Variants in UNC79 observed in about 807,000 individuals in gnomAD.
The protein encoded by UNC79 is unc-79 subunit of NALCN channel complex, also known as protein unc-79 homolog.
UNC79 carries 37 observed loss-of-function variants against 283.1 expected under a neutral mutation model. The ratio of observed to expected loss-of-function variants is 0.13; its 90% CI spans 0.10 to 0.17. The LOEUF (loss-of-function observed/expected upper bound fraction) is 0.17. UNC79 is among the 10% of genes least tolerant of loss of function. The pLI, the probability that UNC79 is intolerant of heterozygous loss-of-function variation, is 1.00. For synonymous variants in UNC79, 1,107 were observed against 1,200.2 expected (o/e 0.92, Z 1.61); for missense variants, 2,272 against 3,211.1 (o/e 0.71, Z 7.07).
chr14:93,413,250 C>A (rs938040963), intron 1 of UNC79, among the ~76,000 whole-genome samples: 2 of 147,966 alleles, frequency 1.4e-5, no homozygotes, highest in African/African-American at 5.0e-5. Context: ...TCGTTCAATT[C>A]CCACCTATGA....
At chr14:93,514,981 G>A (rs1426585019) in intron 7 of UNC79, among the ~76,000 whole-genome samples, 1 of 151,900 alleles carries the variant, frequency 6.6e-6, no homozygotes, top group Non-Finnish European at 1.5e-5. Flanking sequence ...CCTCTTTCTG[G>A]AATTCTAATG....
chr14:93,588,480 C>G (rs2064374928), intron 22 of UNC79, among the ~76,000 whole-genome samples: 1 of 152,078 alleles, frequency 6.6e-6, no homozygotes, highest in Non-Finnish European at 1.5e-5. Flanking sequence ...ATGGCTCATA[C>G]CTGTAATCCC....
In UNC79 at chr14:93,680,095, G is replaced by T. The variant is rs182079813; in HGVS notation, c.6742-2522G>T. ...TCCTTTAATATGCCGGATTCTCTGT[G>T]TACCTCCTTTACTTTTAGGGTGATT... On this transcript the variant is annotated intron_variant, in intron 41 of 48. Transcript: ENST00000555664. Among the ~76,000 whole-genome samples the T allele has an allele frequency of 2.6e-5, 4 of 152,240 alleles. No individual in the cohort carries two copies. In the East Asian group the frequency reaches 7.7e-4, roughly 29 times the overall value.
chr14:93,402,468 A>G (rs2055131244), intron 1 of UNC79, among the ~76,000 whole-genome samples: 2 of 151,970 alleles, frequency 1.3e-5, no homozygotes, highest in South Asian at 4.1e-4. Flanking sequence ...AAAAAAGCAG[A>G]TATGAACTGA....
chr14:93,456,890 T>G (rs1267198984), intron 1 of UNC79, among the ~76,000 whole-genome samples: 1 of 152,198 alleles, frequency 6.6e-6, no homozygotes, highest in Non-Finnish European at 1.5e-5. Context: ...TCTCACTCCA[T>G]CCTTGAAGAT....
At chr14:93,533,620 A>G (rs1241620717) in intron 11 of UNC79, among the ~76,000 whole-genome samples, 1 of 152,094 alleles carries the variant, frequency 6.6e-6, no homozygotes, top group Non-Finnish European at 1.5e-5. Context: ...GGACTTGTTC[A>G]CAGGTGGCAG....
At chr14:93,515,029 T>G (rs1040006599) in intron 7 of UNC79, among the ~76,000 whole-genome samples, 1 of 152,204 alleles carries the variant, frequency 6.6e-6, no homozygotes, top group Non-Finnish European at 1.5e-5. Context: ...CATCCTTTTA[T>G]GCATATTTTT....
chr14:93,440,180 C>T (rs2056240617), intron 1 of UNC79, among the ~76,000 whole-genome samples: 1 of 132,112 alleles, frequency 7.6e-6, no homozygotes, highest in South Asian at 2.5e-4. Flanking sequence ...TATGCAAATA[C>T]TATATAATTT....
chr14:93,495,018 T>C lies in UNC79; in HGVS notation c.713-1393T>C, dbSNP rs901964633. Among the ~76,000 whole-genome samples, 3 of 152,102 alleles carry C rather than the reference T, an allele frequency of 2.0e-5. No individual in the cohort carries two copies. In the East Asian group the frequency reaches 5.8e-4, roughly 29 times the overall value. ...GTCTCCTGGTGTACCTCTTTCGTTT[T>C]ATCAGAGGGAGAAAGTATGTCTCAG... On this transcript the variant is annotated intron_variant, in intron 5 of 48. Coordinates refer to ENST00000555664, the Ensembl canonical transcript of UNC79.
chr14:93,600,740 G>A, exon 25 of UNC79: 1 of 1,613,628 alleles, frequency 6.2e-7, no homozygotes. Context: ...GCTACATTTG[G>A]ATTGTAACAA....
chr14:93,347,451 C>T, intron 1 of UNC79: 3 of 1,391,434 alleles, frequency 2.2e-6, no homozygotes, highest in East Asian at 2.9e-5. Context: ...TGGCGGGGCG[C>T]CCCGACGGGT....
chr14:93,491,905 T>C (rs879783807), intron 5 of UNC79, among the ~76,000 whole-genome samples: 15 of 152,202 alleles, frequency 9.9e-5, no homozygotes, highest in Admixed American at 9.8e-4. Context: ...AGTCTTGTGA[T>C]ATAGGAAGCA....
intron 41 of UNC79, among the ~76,000 whole-genome samples, chr14:93,681,040 A>T (rs2073806091): frequency 2.0e-5 from 3 of 152,246 alleles, no homozygotes; most frequent in Admixed American, 6.5e-5. Context: ...GTGAGCAGAC[A>T]TAGCAAACCT....
At chr14:93,416,053 C>T (rs1242041168) in intron 1 of UNC79, among the ~76,000 whole-genome samples, 1 of 148,858 alleles carries the variant, frequency 6.7e-6, no homozygotes. Context: ...TATTTCTTGC[C>T]TTCTGCTAGC....
rs192889536 is a variant in UNC79, at chr14:93,585,363, G to A, written c.2804-1233G>A. 2.3e-3 allele frequency among the ~76,000 whole-genome samples: 353 copies of A among 152,292 alleles called. 3 individuals carry two copies. Among genetic ancestry groups the A allele is most frequent in the African/African-American group, 8.1e-3 (338 of 41,550 alleles). ...GAATTCAGGGGTGCTCTGTCGACAC[G>A]TGTTCAGAGACTTCCCCTCCCTTCT... On this transcript the variant is annotated intron_variant, in intron 20 of 48. Coordinates refer to ENST00000555664, the Ensembl canonical transcript of UNC79.
At chr14:93,679,198 C>T (rs757856891) in intron 41 of UNC79, among the ~76,000 whole-genome samples, 4 of 152,184 alleles carry the variant, frequency 2.6e-5, no homozygotes, top group African/African-American at 4.8e-5. Flanking sequence ...TGGTGCCTCA[C>T]GCCTGTAATC....
chr14:93,504,065 G>T (rs1225092075), intron 7 of UNC79, among the ~76,000 whole-genome samples: 1 of 151,896 alleles, frequency 6.6e-6, no homozygotes, highest in Non-Finnish European at 1.5e-5. Flanking sequence ...CATAAATCAA[G>T]TGTCTATTTA....
intron 30 of UNC79, among the ~76,000 whole-genome samples, chr14:93,628,202 C>G (rs2067716425): frequency 6.6e-6 from 1 of 152,152 alleles, no homozygotes; most frequent in African/African-American, 2.4e-5. Flanking sequence ...CTGCAAAGCC[C>G]TATGTGGTCC....
At chr14:93,702,971 T>C (rs965651797) in intron 47 of UNC79, among the ~76,000 whole-genome samples, 4 of 152,252 alleles carry the variant, frequency 2.6e-5, no homozygotes, top group East Asian at 3.8e-4. Context: ...TCATGGTGAA[T>C]AGAGCATCCC....
Sources: allele counts gnomAD v4.1 joint callset (sites outside exome capture counted in the v4.1 genomes callset), GRCh38; gene constraint gnomAD v4.1.1; transcripts MANE v1.5; gene names NCBI Gene and HGNC (gene_info 2026-07-23, HGNC 2026-07-21).